GRID1: variants seen among roughly 807,000 people sequenced by gnomAD.
GRID1 encodes the protein glutamate receptor ionotropic, delta-1.
In GRID1, 28 loss-of-function variants were observed where a neutral mutation model predicts 98.0. That is an observed-to-expected ratio of 0.29 (90% CI 0.21 to 0.39). The LOEUF (loss-of-function observed/expected upper bound fraction) is 0.39. Among genes scored for constraint, GRID1 ranks in the 10% least tolerant of loss-of-function variants. The pLI is 1.00. For synonymous variants in GRID1, 553 were observed against 538.5 expected (o/e 1.03, Z -0.37); for missense variants, 1,111 against 1,340.5 (o/e 0.83, Z 2.67).
At chr10:85,744,691 C>T (rs1841981683) in intron 8 of GRID1, among the ~76,000 whole-genome samples, 1 of 69,472 alleles carries the variant, frequency 1.4e-5, no homozygotes, top group Admixed American at 1.8e-4. Context: ...ACACCAAAAG[C>T]AATGGCAACA....
intron 2 of GRID1, among the ~76,000 whole-genome samples, chr10:86,218,583 C>G (rs898558743): frequency 6.6e-6 from 1 of 152,198 alleles, no homozygotes; most frequent in African/African-American, 2.4e-5. Flanking sequence ...GGTCTGGAGG[C>G]TATGCTGTGT....
At chr10:86,232,482 C>T (rs1846471770) in intron 2 of GRID1, among the ~76,000 whole-genome samples, 1 of 152,204 alleles carries the variant, frequency 6.6e-6, no homozygotes, top group South Asian at 2.1e-4. Context: ...GCCCAGCTGC[C>T]TCTCCTGTTG....
chr10:85,734,376 C>T (rs1044109069), intron 8 of GRID1, among the ~76,000 whole-genome samples: 4 of 151,964 alleles, frequency 2.6e-5, no homozygotes, highest in Non-Finnish European at 2.9e-5. Flanking sequence ...AACCTTAATA[C>T]GAGAAGGCCA....
chr10:86,182,826 T>TAA (rs1463006431), intron 3 of GRID1, among the ~76,000 whole-genome samples: 4 of 152,224 alleles, frequency 2.6e-5, no homozygotes, highest in Non-Finnish European at 5.9e-5. Flanking sequence ...AGATGGATTC[T>TAA]CAAACTAACA....
At chr10:85,783,291 T>C (rs1590230164) in intron 8 of GRID1, among the ~76,000 whole-genome samples, 1 of 152,286 alleles carries the variant, frequency 6.6e-6, no homozygotes, top group East Asian at 1.9e-4. Flanking sequence ...TTAGGTAAAG[T>C]GCAAGGTGCT....
chr10:86,167,794 C>G (rs545211046), intron 3 of GRID1, among the ~76,000 whole-genome samples: 1 of 152,338 alleles, frequency 6.6e-6, no homozygotes, highest in South Asian at 2.1e-4. Context: ...AAGCACCAGA[C>G]TCAGCTCGGG....
intron 4 of GRID1, among the ~76,000 whole-genome samples, chr10:85,956,789 C>T (rs1842200291): frequency 2.6e-5 from 4 of 152,174 alleles, no homozygotes. Flanking sequence ...CCACTGGGCT[C>T]TTTAGTGCAA....
At position 86,363,919 on chromosome 10, in the gene GRID1, C is replaced by T. The variant is rs750275164; in HGVS notation, c.235+22G>A. ...CCTCGCAGGCCGTGTCCCAGTGGGC[C>T]CTGGGCACAGCGGTCACTCACCTTC... is the stretch of plus-strand genomic sequence containing the variant. On this transcript the variant is annotated intron_variant, in intron 2 of 15. Coordinates refer to ENST00000327946, the MANE Select transcript of GRID1 (RefSeq NM_017551.3). 8.7e-6 allele frequency: 14 copies of T among 1,608,036 alleles called. No individual in the cohort carries two copies. In the South Asian group the frequency reaches 1.4e-4, roughly 17 times the overall value.
intron 4 of GRID1, among the ~76,000 whole-genome samples, chr10:86,132,273 A>G (rs1463977564): frequency 6.6e-6 from 1 of 152,148 alleles, no homozygotes; most frequent in African/African-American, 2.4e-5. Flanking sequence ...TCAAACACAG[A>G]TCCTAACAGG....
At chr10:86,227,632 G>T (rs1431283805) in intron 2 of GRID1, among the ~76,000 whole-genome samples, 1 of 151,860 alleles carries the variant, frequency 6.6e-6, no homozygotes, top group Non-Finnish European at 1.5e-5. Flanking sequence ...TTACTCTGCT[G>T]TCCTTCCTCA....
chr10:86,314,298 G>A (rs193270402), intron 2 of GRID1, among the ~76,000 whole-genome samples: 1 of 152,258 alleles, frequency 6.6e-6, no homozygotes, highest in East Asian at 1.9e-4. Context: ...AGCCCCACAT[G>A]AGCATGGATG....
rs1342754070 is a variant in GRID1, at chr10:85,737,673, T to TATATAAAA, written c.1234-8060_1234-8059insTTTTATAT. Reference sequence around the variant, plus strand: ...ATATATATATATATATATATATATATAAACATATATGGTTATATATATATA... The same window carrying TATATAAAA: ...ATATATATATATATATATATATATATATATAAAAAAACATATATGGTTATATATATATA... On this transcript the variant is annotated intron_variant, in intron 8 of 15. Coordinates refer to ENST00000327946, the MANE Select transcript of GRID1 (RefSeq NM_017551.3). Among the ~76,000 whole-genome samples, 14 of 113,036 alleles carry TATATAAAA rather than the reference T, an allele frequency of 1.2e-4. 1 individual carries two copies. Among genetic ancestry groups the TATATAAAA allele is most frequent in the African/African-American group, 5.0e-4 (14 of 28,184 alleles). The allele number at this position is 113,036 out of a possible 152,430, so 74.2% of individuals were successfully genotyped here. A position where few individuals can be genotyped will look rare whatever the true frequency, so the allele number is the denominator to read the frequency against.
rs2132126219 is a variant in GRID1 at position 86,365,507 on chromosome 10, T to G, written c.79+807A>C. On this transcript the variant is annotated intron_variant, in intron 1 of 15. Coordinates refer to ENST00000327946, the MANE Select transcript of GRID1 (RefSeq NM_017551.3). The surrounding 1 kb of genome is among the most constrained non-coding windows in gnomAD (Gnocchi z 4.8). ...TCTGCGCTTTCATCTTCTCTCCCGG[T>G]TCTCTCTCTCTATCCATCTCTTCCC... Among the ~76,000 whole-genome samples, 1 of 145,620 alleles carries G rather than the reference T, an allele frequency of 6.9e-6. No homozygotes were observed. Among genetic ancestry groups the G allele is most frequent in the Non-Finnish European group, 1.5e-5 (1 of 66,226 alleles).
In GRID1 at chr10:85,619,955, C is replaced by T. The variant is rs770728013; in HGVS notation, c.2272G>A (p.Val758Met). Residue 758 changes from valine to methionine, a missense_variant, in exon 14 of 16, where the codon GTG (valine) becomes ATG (methionine). Around this residue, in one of 3 missense-constraint regions of GRID1, gnomAD observed 762 missense variants for 869.1 expected, o/e 0.88. Coordinates refer to ENST00000327946, the MANE Select transcript of GRID1 (RefSeq NM_017551.3). ...CTGATGCTGTTGCCGATGACAGTCA[C>T]CGAGCAGTCGTCATCCGTCAGGGCT... The part of the protein sequence containing the change: ...YAALTDDDCS[V>M]TVIGNSISSK... The T allele has an allele frequency of 1.2e-6, 2 of 1,614,108 alleles. No individual in the cohort carries two copies. Among genetic ancestry groups the T allele is most frequent in the South Asian group, 2.2e-5 (2 of 91,088 alleles).
chr10:86,051,793 T>G (rs2131906167), intron 4 of GRID1, among the ~76,000 whole-genome samples: 1 of 152,350 alleles, frequency 6.6e-6, no homozygotes, highest in Middle Eastern at 3.4e-3. Flanking sequence ...ACGCATTCTG[T>G]TGATAAAACT....
intron 12 of GRID1, among the ~76,000 whole-genome samples, chr10:85,649,170 T>A (rs971851627): frequency 6.6e-6 from 1 of 152,088 alleles, no homozygotes; most frequent in Non-Finnish European, 1.5e-5. Flanking sequence ...CATTTTTGCA[T>A]CCACTGCCCT....
intron 5 of GRID1, among the ~76,000 whole-genome samples, chr10:85,915,617 T>C (rs1286921769): frequency 2.0e-5 from 3 of 150,972 alleles, no homozygotes; most frequent in African/African-American, 4.9e-5. Flanking sequence ...CACACACACA[T>C]CCACGAACAT....
chr10:85,609,594 A>G (rs1842711278), intron 15 of GRID1, among the ~76,000 whole-genome samples: 1 of 152,222 alleles, frequency 6.6e-6, no homozygotes, highest in African/African-American at 2.4e-5. Context: ...TGGGGCATGC[A>G]GACAGAGGCT....
At chr10:85,883,263 GTTCAT>G (rs1451286336) in intron 5 of GRID1, among the ~76,000 whole-genome samples, 1 of 151,980 alleles carries the variant, frequency 6.6e-6, no homozygotes, top group Non-Finnish European at 1.5e-5. Context: ...CTGATGTTCT[GTTCAT>G]TTCCTTTTCT....
Sources: allele counts gnomAD v4.1 joint callset (sites outside exome capture counted in the v4.1 genomes callset), GRCh38; gene constraint gnomAD v4.1.1; regional missense constraint gnomAD v4.1.1; non-coding constraint Gnocchi (gnomAD v3.1); transcripts MANE v1.5; gene names NCBI Gene and HGNC (gene_info 2026-07-23, HGNC 2026-07-21).